Variants in CDK19 observed in about 807,000 individuals in gnomAD.
CDK19 encodes the protein cyclin-dependent kinase 19.
CDK19 carries 20 observed loss-of-function variants against 68.3 expected under a neutral mutation model. The observed-to-expected ratio is 0.29, with a 90% confidence interval of 0.21 to 0.43. The LOEUF (loss-of-function observed/expected upper bound fraction) is 0.43. Among genes scored for constraint, CDK19 ranks in the 20% least tolerant of loss-of-function variants. CDK19 has a pLI of 1.00. For synonymous variants in CDK19, 221 were observed against 222.8 expected, an observed-to-expected ratio of 0.99 and a Z score of 0.07; for missense variants, 339 against 623.5, an observed-to-expected ratio of 0.54 and a Z score of 4.86.
chr6:110,614,739 G>C, intron 12 of CDK19, 73 bp from the exon 13 acceptor site: 2 of 1,505,770 alleles, frequency 1.3e-6, no homozygotes, highest in South Asian at 1.2e-5. Context: ...ATCACAGTAG[G>C]ATAGAGATAT....
chr6:110,802,343 C>T lies in CDK19; in HGVS notation c.128+12666G>A, dbSNP rs192651817. Among the ~76,000 whole-genome samples, 47 of 152,212 alleles carry T rather than the reference C, an allele frequency of 3.1e-4. No homozygotes were observed. The East Asian group carries it at 3.5e-3, about 11-fold the overall frequency. On this transcript the variant is annotated intron_variant, in intron 1 of 12. Transcript: ENST00000368911. ...ATATACACCATGGAATACTATGCAG[C>T]CATAAAAAAGAATGAAATCATGTCC... is the stretch of plus-strand genomic sequence containing the variant.
rs888813844 is a variant in CDK19, at chr6:110,613,118, C to G, written c.*1417G>C. On this transcript the variant is annotated 3_prime_UTR_variant, in exon 13 of 13. Coordinates refer to ENST00000368911, the MANE Select transcript of CDK19 (RefSeq NM_015076.5). ...TGCCCCTTACATTACAATGGGAGCT[C>G]TAAGTTTTTACATTTCCTTTTGACT... 6.6e-6 allele frequency: 1 copy of G among 152,626 alleles called. No homozygotes were observed. Among genetic ancestry groups the G allele is most frequent in the African/African-American group, 2.4e-5 (1 of 41,440 alleles). 9.5% of individuals were successfully genotyped at this position (152,626 alleles called of 1,614,324 possible). A position where few individuals can be genotyped will look rare whatever the true frequency, so the allele number is the denominator to read the frequency against.
chr6:110,780,697 T>G (rs984104615), intron 1 of CDK19, among the ~76,000 whole-genome samples: 1 of 152,098 alleles, frequency 6.6e-6, no homozygotes, highest in African/African-American at 2.4e-5. Flanking sequence ...ATCAATTATG[T>G]GCCAGGCATT....
chr6:110,641,646 A>AAAGAAAGGAAGGAAAGAAGG (rs60451345), intron 4 of CDK19, among the ~76,000 whole-genome samples: 1 of 131,416 alleles, frequency 7.6e-6, no homozygotes, highest in African/African-American at 3.0e-5. Context: ...AAAGGGAAAG[A>AAAGAAAGGAAGGAAAGAAGG]AAGGAAGGAA....
chr6:110,652,619 G>T (rs1365267656), intron 4 of CDK19, among the ~76,000 whole-genome samples: 1 of 152,178 alleles, frequency 6.6e-6, no homozygotes, highest in East Asian at 1.9e-4. Flanking sequence ...TGTAAGAAAT[G>T]AACATAGATT....
At chr6:110,619,152 G>A (rs1294111768) in intron 12 of CDK19, among the ~76,000 whole-genome samples, 1 of 152,112 alleles carries the variant, frequency 6.6e-6, no homozygotes, top group African/African-American at 2.4e-5. Context: ...TATGTTGGAA[G>A]GTTTATTATT....
chr6:110,645,467 GAATA>G (rs1415589019), intron 4 of CDK19, among the ~76,000 whole-genome samples: 1 of 152,172 alleles, frequency 6.6e-6, no homozygotes, highest in Non-Finnish European at 1.5e-5. Flanking sequence ...AAAAGGCTGA[GAATA>G]ATGAGTTATG....
chr6:110,815,028 T>G lies in CDK19; in HGVS notation c.109A>C (p.Lys37Gln). The G allele has an allele frequency of 6.2e-7, 1 of 1,604,198 alleles. No homozygotes were observed. The highest frequency in any genetic ancestry group is 8.5e-7 in the Non-Finnish European group (1 of 1,176,116). The change falls in exon 1 of 13, where the codon AAG (lysine) becomes CAG (glutamine). Residue 37 changes from lysine to glutamine, a missense_variant. Physicochemically the swap from Lys to Gln is moderately conservative, Grantham distance 53. Transcript: ENST00000368911. ...TCTTACCCATCTTTCCGCCTCGCCT[T>G]GTAGACGTGACCGTAGGTGCCGCGT... ...VGRGTYGHVY[K>Q]ARRKDGKDEK...
At chr6:110,639,624 G>T (rs1420254446) in intron 4 of CDK19, among the ~76,000 whole-genome samples, 2 of 152,196 alleles carry the variant, frequency 1.3e-5, no homozygotes, top group Non-Finnish European at 2.9e-5. Flanking sequence ...TTATAGAGAA[G>T]ACTGAGGTTT....
chr6:110,770,423 T>C (rs1056461217), intron 1 of CDK19, among the ~76,000 whole-genome samples: 1 of 152,140 alleles, frequency 6.6e-6, no homozygotes, highest in Admixed American at 6.6e-5. Context: ...CAGAAACCCC[T>C]GATAAAACCG....
intron 2 of CDK19, among the ~76,000 whole-genome samples, chr6:110,695,078 C>T (rs1252005428): frequency 1.3e-5 from 2 of 151,542 alleles, no homozygotes; most frequent in African/African-American, 4.9e-5. Flanking sequence ...GATGGCGCCA[C>T]TGCACTCCAG....
At position 110,684,208 on chromosome 6, in the gene CDK19, C is replaced by T. The variant is rs552620094; in HGVS notation, c.205-13667G>A. ...TACTGATTCATTAAGTAAACTTTTGCTTGCAACCCTCCTTGTCAAAAACCT... is the reference window on the plus strand; with the variant it reads ...TACTGATTCATTAAGTAAACTTTTGTTTGCAACCCTCCTTGTCAAAAACCT... On this transcript the variant is annotated intron_variant, in intron 2 of 12. Coordinates refer to ENST00000368911, the MANE Select transcript of CDK19 (RefSeq NM_015076.5). 3.0e-4 allele frequency among the ~76,000 whole-genome samples: 45 copies of T among 152,076 alleles called. 1 individual carries two copies. In the East Asian group the frequency reaches 8.3e-3, roughly 28 times the overall value.
chr6:110,805,103 G>A (rs996549940), intron 1 of CDK19, among the ~76,000 whole-genome samples: 14 of 151,822 alleles, frequency 9.2e-5, no homozygotes, highest in Non-Finnish European at 1.8e-4. Flanking sequence ...GTCTTCTCTC[G>A]TGAGACTCTC....
At chr6:110,694,418 G>A (rs1054819935) in intron 2 of CDK19, among the ~76,000 whole-genome samples, 6 of 152,054 alleles carry the variant, frequency 3.9e-5, no homozygotes, top group African/African-American at 7.2e-5. Context: ...AGACAAAGAC[G>A]GACATTATAT....
intron 2 of CDK19, chr6:110,700,780 C>A: frequency 5.1e-6 from 1 of 197,868 alleles, no homozygotes. Context: ...GGGATGGTTT[C>A]CAGATGAGAA....
At chr6:110,719,047 C>G (rs1442970557) in intron 2 of CDK19, among the ~76,000 whole-genome samples, 1 of 152,018 alleles carries the variant, frequency 6.6e-6, no homozygotes, top group African/African-American at 2.4e-5. Context: ...GCAAGCGTAA[C>G]TACTAAATTA....
intron 4 of CDK19, among the ~76,000 whole-genome samples, chr6:110,639,716 G>A (rs1355302599): frequency 6.6e-6 from 1 of 152,138 alleles, no homozygotes; most frequent in African/African-American, 2.4e-5. Flanking sequence ...AAAACAAAAA[G>A]CACTTAAAAA....
At chr6:110,748,921 C>T (rs1583015406) in intron 1 of CDK19, among the ~76,000 whole-genome samples, 1 of 152,096 alleles carries the variant, frequency 6.6e-6, no homozygotes, top group African/African-American at 2.4e-5. Flanking sequence ...GTGAACCTGC[C>T]TAGCCTACAC....
intron 1 of CDK19, among the ~76,000 whole-genome samples, chr6:110,770,095 G>A (rs1779902233): frequency 6.6e-6 from 1 of 152,158 alleles, no homozygotes; most frequent in Non-Finnish European, 1.5e-5. Context: ...CTCTGAATAG[G>A]AGGAAGTGAA....
Sources: allele counts gnomAD v4.1 joint callset (sites outside exome capture counted in the v4.1 genomes callset), GRCh38; gene constraint gnomAD v4.1.1; transcripts MANE v1.5; gene names NCBI Gene and HGNC (gene_info 2026-07-23, HGNC 2026-07-21).